Variants in SLC39A10 observed in about 807,000 individuals in gnomAD.
The protein encoded by SLC39A10 is solute carrier family 39 member 10, also known as zinc transporter ZIP10.
A neutral mutation model predicts 65.1 loss-of-function variants in SLC39A10; 13 were observed. That is an observed-to-expected ratio of 0.20 (90% CI 0.13 to 0.32). The LOEUF is 0.32. Among genes scored for constraint, SLC39A10 ranks in the 10% least tolerant of loss-of-function variants. The pLI is 1.00. For synonymous variants in SLC39A10, 321 were observed against 342.2 expected, an observed-to-expected ratio of 0.94 and a Z score of 0.68; for missense variants, 831 against 1,018.4, an observed-to-expected ratio of 0.82 and a Z score of 2.50.
Position 195,706,843 on chromosome 2 carries a change from G to A in SLC39A10, c.1386+58G>A, listed in dbSNP as rs1039410723. 1.9e-5 allele frequency: 24 copies of A among 1,265,506 alleles called. No individual in the cohort carries two copies. In the East Asian group the frequency reaches 5.8e-4, roughly 31 times the overall value. The allele number at this position is 1,265,506 out of a possible 1,614,324, so 78.4% of individuals were successfully genotyped here. On this transcript the variant is annotated intron_variant, in intron 4 of 9. Coordinates refer to ENST00000359634, the MANE Select transcript of SLC39A10 (RefSeq NM_020342.3). ...AAAATAAAAATATTTAAGCTGAAAG[G>A]GTCCTTCATTAGCAAGCTATAGCAC...
At chr2:195,695,462 C>G (rs1273438205) in intron 3 of SLC39A10, among the ~76,000 whole-genome samples, 1 of 152,132 alleles carries the variant, frequency 6.6e-6, no homozygotes, top group Non-Finnish European at 1.5e-5. Flanking sequence ...ACCATTCCCC[C>G]GGAGAAGCAC....
chr2:195,680,130 G>T lies in SLC39A10; in HGVS notation c.88G>T (p.Asp30Tyr). Residue 30 changes from aspartate to tyrosine, a missense_variant, in exon 2 of 10, where the codon GAC becomes TAC. Around this residue, in one of 4 missense-constraint regions of SLC39A10, gnomAD observed 446 missense variants for 499.2 expected, o/e 0.89. Coordinates refer to ENST00000359634, the MANE Select transcript of SLC39A10 (RefSeq NM_020342.3). ...HHCNHCHEEHDHGPEALHRQH... is the reference protein window; with the variant it reads ...HHCNHCHEEHYHGPEALHRQH... The stretch of plus-strand genomic sequence containing the variant: ...TTGCAACCATTGCCATGAAGAACAT[G>T]ACCATGGCCCTGAAGCGCTTCACAG... 1 of 1,613,778 alleles carries T rather than the reference G, an allele frequency of 6.2e-7. No individual in the cohort carries two copies. Among genetic ancestry groups the T allele is most frequent in the South Asian group, 1.1e-5 (1 of 90,846 alleles).
rs79855229 is a variant in SLC39A10 at position 195,667,190 on chromosome 2, T to C, written c.-12+9909T>C. 1.3e-3 allele frequency among the ~76,000 whole-genome samples: 192 copies of C among 152,340 alleles called. 3 individuals are homozygous for C. The East Asian group carries it at 0.035, about 28-fold the overall frequency. On this transcript the variant is annotated intron_variant, in intron 1 of 9. Transcript: ENST00000359634. The stretch of plus-strand genomic sequence containing the variant: ...ACATGAATGAATCTCAGTGGAAAGA[T>C]TGGGTTGCCTGAACTGTGCTTTTAT...
upstream of SLC39A10, among the ~76,000 whole-genome samples, chr2:195,655,332 C>A (rs751992803): frequency 7.9e-5 from 12 of 152,194 alleles, no homozygotes; most frequent in Non-Finnish European, 1.8e-4. Flanking sequence ...ACCAGCTGAA[C>A]ATTAGCCTTG....
chr2:195,627,560 A>T (rs1413271070), intron 2 of SLC39A10, among the ~76,000 whole-genome samples: 1 of 152,066 alleles, frequency 6.6e-6, no homozygotes, highest in Non-Finnish European at 1.5e-5. Context: ...CTTCTGTTTC[A>T]CTCTCCATGG....
chr2:195,675,496 C>T (rs1367747105), intron 1 of SLC39A10, among the ~76,000 whole-genome samples: 4 of 152,196 alleles, frequency 2.6e-5, no homozygotes, highest in Admixed American at 1.3e-4. Context: ...AGTGCAGTGG[C>T]GTGATCTCAG....
chr2:195,662,287 T>G (rs79229955), intron 1 of SLC39A10, among the ~76,000 whole-genome samples: 11 of 151,926 alleles, frequency 7.2e-5, no homozygotes, highest in South Asian at 2.1e-4. Context: ...TTTTTTTTTT[T>G]TGTGAGACAG....
In SLC39A10 at chr2:195,680,381, T is replaced by C. The variant is rs1404140186; in HGVS notation, c.339T>C (p.Asp113=). ...DLGHDHVSHL[D]ILAVQEGKHF... ...GCCACGATCATGTTTCTCATTTAGA[T>C]ATTTTGGCAGTTCAAGAGGGAAAGC... Residue 113 remains aspartate (D), a synonymous_variant, in exon 2 of 10, where the codon GAT becomes GAC. Transcript: ENST00000359634. 4.3e-6 allele frequency: 7 copies of C among 1,614,028 alleles called. No homozygotes were observed. The highest frequency in any genetic ancestry group is 5.9e-6 in the Non-Finnish European group (7 of 1,180,034).
At chr2:195,676,475 T>C (rs1254983179) in intron 1 of SLC39A10, among the ~76,000 whole-genome samples, 1 of 152,082 alleles carries the variant, frequency 6.6e-6, no homozygotes, top group Non-Finnish European at 1.5e-5. Flanking sequence ...TATTTCCCTA[T>C]CCCAAAGACA....
At chr2:195,645,679 C>T (rs1044470859) in intron 2 of SLC39A10, among the ~76,000 whole-genome samples, 1 of 152,128 alleles carries the variant, frequency 6.6e-6, no homozygotes, top group South Asian at 2.1e-4. Context: ...GAAGTGAAAT[C>T]ATATAATGTC....
chr2:195,673,050 T>G (rs1689931098), intron 1 of SLC39A10, among the ~76,000 whole-genome samples: 1 of 152,196 alleles, frequency 6.6e-6, no homozygotes, highest in African/African-American at 2.4e-5. Flanking sequence ...TTAAAAAACA[T>G]CTCAAACTTA....
chr2:195,676,852 T>C (rs1690110455), intron 1 of SLC39A10, among the ~76,000 whole-genome samples: 1 of 152,226 alleles, frequency 6.6e-6, no homozygotes, highest in South Asian at 2.1e-4. Context: ...TAAATTTGTA[T>C]ATACACTTGG....
intron 1 of SLC39A10, among the ~76,000 whole-genome samples, chr2:195,661,644 G>A (rs1331155005): frequency 6.6e-6 from 1 of 152,176 alleles, no homozygotes; most frequent in East Asian, 1.9e-4. Flanking sequence ...GTAATTCTGT[G>A]TCGAATACTG....
chr2:195,690,563 C>T (rs937744235), intron 3 of SLC39A10, among the ~76,000 whole-genome samples: 2 of 152,148 alleles, frequency 1.3e-5, no homozygotes, highest in African/African-American at 4.8e-5. Flanking sequence ...TAGTAGTCAT[C>T]GTAATGGTGT....
rs1692685742 is a variant in SLC39A10, at chr2:195,737,458, AATTT to A, written c.*2418_*2421del. On this transcript the variant is annotated 3_prime_UTR_variant, in exon 10 of 10. Transcript: ENST00000359634. ...TACTATAGTAACTAGATGCAGTGTG[AATTT>A]TTTCCATTAACAAACAAACAAGTCA... 1 of 162,032 alleles carries A rather than the reference AATTT, an allele frequency of 6.2e-6. No homozygotes were observed. Among genetic ancestry groups the A allele is most frequent in the African/African-American group, 2.4e-5 (1 of 41,382 alleles). 10.0% of individuals were successfully genotyped at this position (162,032 alleles called of 1,614,324 possible). A position where few individuals can be genotyped will look rare whatever the true frequency, so the allele number is the denominator to read the frequency against.
At chr2:195,722,774 C>T (rs1015080737) in intron 8 of SLC39A10, among the ~76,000 whole-genome samples, 1 of 152,178 alleles carries the variant, frequency 6.6e-6, no homozygotes, top group Non-Finnish European at 1.5e-5. Flanking sequence ...CTATTTTGCC[C>T]TGTTACATTT....
intron 3 of SLC39A10, among the ~76,000 whole-genome samples, chr2:195,704,454 G>A (rs1218050906): frequency 6.6e-6 from 1 of 152,000 alleles, no homozygotes; most frequent in African/African-American, 2.4e-5. Flanking sequence ...TCTTCAATAT[G>A]ATTGGATCTA....
chr2:195,661,021 T>A (rs541783334), intron 1 of SLC39A10, among the ~76,000 whole-genome samples: 58 of 152,288 alleles, frequency 3.8e-4, no homozygotes, highest in Non-Finnish European at 7.4e-4. Flanking sequence ...GATTTCCTTT[T>A]TTATATCATT....
chr2:195,658,127 CG>C (rs1294249037), intron 1 of SLC39A10: 1 of 152,404 alleles, frequency 6.6e-6, no homozygotes, highest in African/African-American at 2.4e-5. Flanking sequence ...ACCGCCTCTC[CG>C]GGTCTGGGAA....
Sources: gnomAD v4.1 joint callset for allele counts (sites outside exome capture counted in the v4.1 genomes callset) on GRCh38, gnomAD v4.1.1 for gene constraint, gnomAD v4.1.1 regional missense constraint, MANE v1.5 for transcripts, NCBI Gene and HGNC (gene_info 2026-07-23, HGNC 2026-07-21) for gene names.